Variants in COL5A2 observed in about 807,000 individuals in gnomAD.
The protein encoded by COL5A2 is collagen alpha-2(V) chain.
COL5A2 carries 23 observed loss-of-function variants against 208.2 expected under a neutral mutation model. That is an observed-to-expected ratio of 0.11 (90% CI 0.08 to 0.16). The LOEUF (loss-of-function observed/expected upper bound fraction) is 0.16, where lower values mean the gene tolerates loss of function less well. Ranked by LOEUF, COL5A2 falls within the 10% of genes least tolerant of loss-of-function variation. The probability of loss-of-function intolerance (pLI) is 1.00; values close to 1 mark genes in which losing one functional copy is unlikely to be tolerated. For missense variants in COL5A2, 1,590 were observed against 1,956.4 expected, an observed-to-expected ratio of 0.81 and a Z score of 3.53; for synonymous variants, 625 against 628.5, an observed-to-expected ratio of 0.99 and a Z score of 0.08.
the COL5A2 span, among the ~76,000 whole-genome samples, chr2:189,390,605 T>C: frequency 2.4e-4 from 36 of 152,266 alleles, no homozygotes; most frequent in Non-Finnish European, 5.9e-5. Context: ...AGAGAAAAGC[T>C]AGGCATAAAA....
chr2:189,163,242 A>T (rs1310951463), intron 1 of COL5A2, among the ~76,000 whole-genome samples: 2 of 152,150 alleles, frequency 1.3e-5, no homozygotes, highest in African/African-American at 4.8e-5. Context: ...TGGTATGTTC[A>T]AGGATTGTTG....
chr2:189,192,779 C>T (rs770401826), intron 1 of COL5A2, among the ~76,000 whole-genome samples: 1 of 152,126 alleles, frequency 6.6e-6, no homozygotes, highest in Non-Finnish European at 1.5e-5. Flanking sequence ...AATTTAATTG[C>T]CATTGTAACA....
At chr2:189,091,582 C>A (rs1029960353) in intron 7 of COL5A2, among the ~76,000 whole-genome samples, 1 of 152,034 alleles carries the variant, frequency 6.6e-6, no homozygotes, top group Non-Finnish European at 1.5e-5. Context: ...AAGAAATATA[C>A]CTTGTTTTTT....
intron 1 of COL5A2, among the ~76,000 whole-genome samples, chr2:189,198,794 G>A (rs1186391898): frequency 1.3e-5 from 2 of 152,104 alleles, no homozygotes; most frequent in African/African-American, 2.4e-5. Context: ...GGAAATGATG[G>A]TCAACATCAA....
At chr2:189,147,251 C>T (rs1688057231) in intron 1 of COL5A2, among the ~76,000 whole-genome samples, 1 of 152,120 alleles carries the variant, frequency 6.6e-6, no homozygotes, top group Non-Finnish European at 1.5e-5. Flanking sequence ...GATGCTATAA[C>T]ATCTATACGA....
At chr2:189,089,229 C>G (rs1439801423) in intron 7 of COL5A2, among the ~76,000 whole-genome samples, 1 of 152,144 alleles carries the variant, frequency 6.6e-6, no homozygotes, top group Non-Finnish European at 1.5e-5. Context: ...TTTCTTTGTT[C>G]AATGCCCAGT....
chr2:189,240,956 A>G, the COL5A2 span, among the ~76,000 whole-genome samples: 3 of 152,194 alleles, frequency 2.0e-5, no homozygotes, highest in Admixed American at 6.5e-5. Flanking sequence ...TTTGCTACTC[A>G]TTGGGATTTG....
chr2:189,051,195 A>G, intron 42 of COL5A2, 125 bp downstream of exon 42: 1 of 1,167,964 alleles, frequency 8.6e-7, no homozygotes, highest in Non-Finnish European at 1.2e-6. Context: ...GATTTAATGC[A>G]CTTTAAAAAT....
the COL5A2 span, among the ~76,000 whole-genome samples, chr2:189,410,808 T>C: frequency 6.6e-6 from 1 of 152,160 alleles, no homozygotes; most frequent in East Asian, 1.9e-4. Flanking sequence ...TGAATGCAAT[T>C]AGAAGGTAAC....
Position 189,085,672 on chromosome 2 carries a change from T to C in COL5A2, c.744+47A>G, listed in dbSNP as rs1263172219. On this transcript the variant is annotated intron_variant, in intron 10 of 53. Transcript: ENST00000374866. ...AACTCAATATTTGACATCATTATAA[T>C]GGTGGACCCAAATGTAACTGGGTCT... is the stretch of plus-strand genomic sequence containing the variant. The C allele has an allele frequency of 4.0e-6, 6 of 1,488,230 alleles. No individual in the cohort carries two copies. The African/African-American group carries it at 5.5e-5, about 14-fold the overall frequency. The allele number at this position is 1,488,230 out of a possible 1,614,324, so 92.2% of individuals were successfully genotyped here.
rs368816781 is a variant in COL5A2 at position 189,063,176 on chromosome 2, C to T, written c.1865G>A (p.Ser622Asn). 2.5e-6 allele frequency: 4 copies of T among 1,613,950 alleles called. No homozygotes were observed. The highest frequency in any genetic ancestry group is 2.7e-5 in the African/African-American group (2 of 74,928). ...GSMGLPGPKG[S>N]SGDPGKPGEA... The stretch of plus-strand genomic sequence containing the variant: ...CATATTATACACTGTACTCACACTG[C>T]TACCTTTGGGGCCTGGAAGGCCCAT... Residue 622 changes from serine (S) to asparagine (N), a missense_variant, in exon 27 of 54, where the codon AGC becomes AAC. Physicochemically the swap from Ser to Asn is conservative, Grantham distance 46. Coordinates refer to ENST00000374866, the MANE Select transcript of COL5A2 (RefSeq NM_000393.5).
the COL5A2 span, among the ~76,000 whole-genome samples, chr2:189,421,874 CA>C: frequency 1.3e-5 from 2 of 152,194 alleles, no homozygotes; most frequent in Non-Finnish European, 2.9e-5. Context: ...CCCAGCTCCA[CA>C]CCAGCTTCAG....
At chr2:189,171,553 T>C (rs181532299) in intron 1 of COL5A2, among the ~76,000 whole-genome samples, 61 of 152,252 alleles carry the variant, frequency 4.0e-4, no homozygotes, top group Admixed American at 2.0e-3. Flanking sequence ...ATTGTGCTGA[T>C]TGAATGACTG....
the COL5A2 span, among the ~76,000 whole-genome samples, chr2:189,414,328 T>C: frequency 5.9e-5 from 9 of 152,156 alleles, no homozygotes; most frequent in Non-Finnish European, 1.3e-4. Flanking sequence ...AATTGTAACA[T>C]AATATGCACA....
intron 33 of COL5A2, among the ~76,000 whole-genome samples, chr2:189,058,185 T>C (rs1199351121): frequency 1.3e-5 from 2 of 152,212 alleles, no homozygotes; most frequent in Non-Finnish European, 2.9e-5. Flanking sequence ...TGTTTGTATA[T>C]GGAAGTCTAT....
chr2:189,415,745 C>T, the COL5A2 span, among the ~76,000 whole-genome samples: 12 of 152,262 alleles, frequency 7.9e-5, no homozygotes, highest in African/African-American at 2.4e-4. Flanking sequence ...CTGCAAGCTC[C>T]GCCTCCCAGG....
rs76511879 is a variant in COL5A2 at position 189,110,349 on chromosome 2, A to G, written c.198T>C (p.Asn66=). The G allele has an allele frequency of 5.0e-3, 8,116 of 1,614,164 alleles. 43 individuals are homozygous for G. The highest frequency in any genetic ancestry group is 0.016 in the South Asian group (1,461 of 91,086). Residue 66 remains asparagine (N), a synonymous_variant, in exon 2 of 54, where the codon AAT becomes AAC. Coordinates refer to ENST00000374866, the MANE Select transcript of COL5A2 (RefSeq NM_000393.5). ...CTATCTTGTCACAGAGAATGGCTCC[A>G]TTGTCACAGACACAGATCTGACAAG... is the stretch of plus-strand genomic sequence containing the variant. ...PAPCQICVCD[N]GAILCDKIEC...
chr2:189,060,613 T>C (rs898610374), intron 31 of COL5A2, 117 bp downstream of exon 31: 9 of 864,126 alleles, frequency 1.0e-5, no homozygotes, highest in Non-Finnish European at 1.4e-5. Context: ...TAGGGCTGCT[T>C]TGAGAACTCA....
At chr2:189,191,164 A>AAG (rs1688921023) in intron 1 of COL5A2, among the ~76,000 whole-genome samples, 1 of 115,388 alleles carries the variant, frequency 8.7e-6, no homozygotes, top group Non-Finnish European at 1.8e-5. Context: ...AAAAACAAAC[A>AAG]AACAACAAAA....
Sources: gnomAD v4.1 joint callset for allele counts (sites outside exome capture counted in the v4.1 genomes callset) on GRCh38, gnomAD v4.1.1 for gene constraint, MANE v1.5 for transcripts, NCBI Gene and HGNC (gene_info 2026-07-23, HGNC 2026-07-21) for gene names.